Variants in SPATA22 observed in about 807,000 individuals in gnomAD.
SPATA22 encodes spermatogenesis-associated protein 22.
SPATA22 carries 29 observed loss-of-function variants against 47.8 expected under a neutral mutation model. The ratio of observed to expected loss-of-function variants is 0.61; its 90% CI spans 0.45 to 0.83. The LOEUF (loss-of-function observed/expected upper bound fraction) is 0.83. Ranked by LOEUF, SPATA22 falls within the 40% of genes least tolerant of loss-of-function variation. The probability of loss-of-function intolerance (pLI) is 0.00; values close to 1 mark genes in which losing one functional copy is unlikely to be tolerated. For missense variants in SPATA22, 410 were observed against 421.7 expected (o/e 0.97, Z 0.24); for synonymous variants, 133 against 140.9 (o/e 0.94, Z 0.40).
chr17:3,463,927 C>CCCTCTCCCTCTT (rs2073196534), intron 3 of SPATA22, among the ~76,000 whole-genome samples: 1 of 69,790 alleles, frequency 1.4e-5, no homozygotes, highest in Non-Finnish European at 4.3e-5. Flanking sequence ...CTCTCCCTCT[C>CCCTCTCCCTCTT]CCTCTCCCTC....
chr17:3,440,703 G>A (rs2072578975), intron 8 of SPATA22: 2 of 160,328 alleles, frequency 1.2e-5, no homozygotes, highest in African/African-American at 2.4e-5. Context: ...TGACAATTAG[G>A]ATAGCTGGAT....
intron 3 of SPATA22, among the ~76,000 whole-genome samples, chr17:3,466,814 G>A (rs891123181): frequency 1.1e-4 from 17 of 152,256 alleles, no homozygotes; most frequent in Admixed American, 1.0e-3. Flanking sequence ...TCTCATTCAT[G>A]AGGGCTCTGC....
intron 1 of SPATA22, among the ~76,000 whole-genome samples, chr17:3,492,367 A>G (rs1445599899): frequency 6.6e-6 from 1 of 152,182 alleles, no homozygotes; most frequent in African/African-American, 2.4e-5. Context: ...TTTGTGTTCT[A>G]TCAGTTTTTA....
intron 1 of SPATA22, among the ~76,000 whole-genome samples, chr17:3,479,613 A>C (rs181626433): frequency 7.9e-5 from 12 of 151,680 alleles, no homozygotes; most frequent in Non-Finnish European, 1.3e-4. Context: ...CACCATCTCA[A>C]CGTGGCCCTT....
chr17:3,479,144 T>C (rs2073583935), intron 1 of SPATA22, among the ~76,000 whole-genome samples: 1 of 152,204 alleles, frequency 6.6e-6, no homozygotes, highest in Non-Finnish European at 1.5e-5. Context: ...ATAGATTTAA[T>C]CAACTTAGTA....
At chr17:3,462,817 C>T in intron 3 of SPATA22, 50 bp from the exon 4 acceptor site, 1 of 1,383,260 alleles carries the variant, frequency 7.2e-7, no homozygotes. Context: ...TAGTATTTTT[C>T]AAAATGATAA....
At chr17:3,464,184 GTTGGCCGGGCTGGT>G (rs2073211879) in intron 3 of SPATA22, among the ~76,000 whole-genome samples, 1 of 152,120 alleles carries the variant, frequency 6.6e-6, no homozygotes, top group African/African-American at 2.4e-5. Context: ...GTTTCGCTGT[GTTGGCCGGGCTGGT>G]CTCCAGCTCC....
intron 1 of SPATA22, among the ~76,000 whole-genome samples, chr17:3,484,595 A>G (rs1221453278): frequency 1.3e-5 from 2 of 152,210 alleles, no homozygotes; most frequent in Non-Finnish European, 2.9e-5. Flanking sequence ...TCTGTGATGA[A>G]AGGCCATTGC....
At chr17:3,479,395 G>A (rs2073588807) in intron 1 of SPATA22, among the ~76,000 whole-genome samples, 1 of 152,218 alleles carries the variant, frequency 6.6e-6, no homozygotes, top group African/African-American at 2.4e-5. Context: ...CTTTTAAAAT[G>A]TATAAATATC....
intron 3 of SPATA22, among the ~76,000 whole-genome samples, chr17:3,463,945 CCCTCTG>C (rs1466296821): frequency 2.0e-3 from 58 of 28,780 alleles, no homozygotes; most frequent in Non-Finnish European, 3.7e-3. Flanking sequence ...CTCTCCCTCT[CCCTCTG>C]CCTCTCCCTC....
At chr17:3,465,351 G>A (rs2073275146) in intron 3 of SPATA22, among the ~76,000 whole-genome samples, 1 of 152,006 alleles carries the variant, frequency 6.6e-6, no homozygotes, top group Non-Finnish European at 1.5e-5. Context: ...GGAAAGGTGG[G>A]GAAAAGATTG....
intron 1 of SPATA22, among the ~76,000 whole-genome samples, chr17:3,504,308 G>C (rs149349517): frequency 2.8e-4 from 43 of 152,260 alleles, no homozygotes; most frequent in Non-Finnish European, 4.9e-4. Context: ...ATAGAGGTGA[G>C]TTGAATAAAT....
In SPATA22 at chr17:3,444,170, T is replaced by C. The variant is rs58427722; in HGVS notation, c.803-899A>G. The stretch of plus-strand genomic sequence containing the variant: ...ATTTATTTAATAACCATCTACTGAG[T>C]ACTGGTAGTGGGCATTTGTTATTTT... On this transcript the variant is annotated intron_variant, in intron 7 of 8. Coordinates refer to ENST00000572969, the MANE Select transcript of SPATA22 (RefSeq NM_001170698.2). 8.1e-3 allele frequency among the ~76,000 whole-genome samples: 1,239 copies of C among 152,176 alleles called. 20 individuals carry two copies. Among genetic ancestry groups the C allele is most frequent in the African/African-American group, 0.028 (1,162 of 41,546 alleles).
intron 3 of SPATA22, among the ~76,000 whole-genome samples, chr17:3,465,090 C>T (rs1389543362): frequency 7.5e-6 from 1 of 133,426 alleles, no homozygotes; most frequent in Non-Finnish European, 1.7e-5. Flanking sequence ...CTCCACCCGG[C>T]AGCCACCCCG....
rs2073770741 is a variant in SPATA22, at chr17:3,488,746, T to C, written c.-73-19348A>G. On this transcript the variant is annotated intron_variant, in intron 1 of 8. Transcript: ENST00000541913. The surrounding 1 kb of genome is among the most constrained non-coding windows in gnomAD (Gnocchi z 6.1). ...GCAAAATCATTGCTCAAGGGTCACA[T>C]AGATTGTCATATTGACTGAAATCCA... 6.6e-6 allele frequency among the ~76,000 whole-genome samples: 1 copy of C among 152,196 alleles called. No homozygotes were observed. The highest frequency in any genetic ancestry group is 2.4e-5 in the African/African-American group (1 of 41,450).
At chr17:3,486,343 T>A (rs899575938) in intron 1 of SPATA22, among the ~76,000 whole-genome samples, 2 of 152,188 alleles carry the variant, frequency 1.3e-5, no homozygotes, top group Non-Finnish European at 2.9e-5. Context: ...CTTGAAAAGA[T>A]CATCTGGAAC....
chr17:3,464,133 G>A (rs1369114947), intron 3 of SPATA22, among the ~76,000 whole-genome samples: 22 of 151,986 alleles, frequency 1.4e-4, no homozygotes, highest in African/African-American at 4.3e-4. Flanking sequence ...GGCGCGCGCC[G>A]CCACGCCTGA....
chr17:3,487,491 A>G (rs1021329729), intron 1 of SPATA22, among the ~76,000 whole-genome samples: 4 of 152,204 alleles, frequency 2.6e-5, no homozygotes, highest in South Asian at 2.1e-4. Flanking sequence ...AGCATTGCCT[A>G]CAAATATCAT....
Position 3,494,386 on chromosome 17 carries a change from A to C in SPATA22, c.-74+19026T>G, listed in dbSNP as rs751242787. On this transcript the variant is annotated intron_variant, in intron 1 of 8. Transcript: ENST00000541913. ...CCTCCCTGCGCCATTGAGGTCTATA[A>C]AATTATAGAGAAAGTTGATTACCCC... 10 of 1,613,162 alleles carry C rather than the reference A, an allele frequency of 6.2e-6. No individual in the cohort carries two copies. Among genetic ancestry groups the C allele is most frequent in the Non-Finnish European group, 8.5e-6 (10 of 1,179,072 alleles).
Sources: allele counts gnomAD v4.1 joint callset (sites outside exome capture counted in the v4.1 genomes callset), GRCh38; gene constraint gnomAD v4.1.1; non-coding constraint Gnocchi (gnomAD v3.1); transcripts MANE v1.5; gene names NCBI Gene and HGNC (gene_info 2026-07-23, HGNC 2026-07-21).